Variants in ZNF845 observed in about 807,000 individuals in gnomAD.
ZNF845 encodes zinc finger protein 845.
ZNF845 carries 59 observed loss-of-function variants against 76.1 expected under a neutral mutation model. The ratio of observed to expected loss-of-function variants is 0.78; its 90% CI spans 0.63 to 0.96. ZNF845 has a LOEUF of 0.96. Among genes scored for constraint, ZNF845 ranks in the 40% least tolerant of loss-of-function variants. The pLI is 0.00. For missense variants in ZNF845, 1,045 were observed against 1,172.8 expected (o/e 0.89, Z 1.59); for synonymous variants, 361 against 386.9 (o/e 0.93, Z 0.78).
At chr19:53,336,904 T>A (rs1321907273) in intron 1 of ZNF845, among the ~76,000 whole-genome samples, 2 of 152,246 alleles carry the variant, frequency 1.3e-5, no homozygotes, top group African/African-American at 2.4e-5. Context: ...ACCTTTAACA[T>A]CAAAATGTAG....
intron 3 of ZNF845, chr19:53,346,408 C>G (rs1242563780): frequency 2.4e-6 from 1 of 422,138 alleles, no homozygotes; most frequent in Non-Finnish European, 4.7e-6. Context: ...TCTCGTGCCC[C>G]AGTGGCTCAT....
At chr19:53,347,322 G>A (rs1234061220) in intron 3 of ZNF845, among the ~76,000 whole-genome samples, 2 of 150,294 alleles carry the variant, frequency 1.3e-5, no homozygotes, top group Admixed American at 6.6e-5. Flanking sequence ...TGTTGCCCAG[G>A]CTGGAGTGCA....
At position 53,341,272 on chromosome 19, in the gene ZNF845, A is replaced by T. The variant is rs1237668865; in HGVS notation, c.-36A>T. The T allele has an allele frequency of 5.0e-6, 8 of 1,613,568 alleles. No individual in the cohort carries two copies. The highest frequency in any genetic ancestry group is 6.8e-6 in the Non-Finnish European group (8 of 1,179,704). On this transcript the variant is annotated 5_prime_UTR_variant, in exon 2 of 4. Coordinates refer to ENST00000458035, the MANE Select transcript of ZNF845 (RefSeq NM_138374.3). ...AAGACTCTTGGTACGTGAGGAAGAAACCCGGAAGAGGAAGAGGAAAGCAAA... is the reference window on the plus strand; with the variant it reads ...AAGACTCTTGGTACGTGAGGAAGAATCCCGGAAGAGGAAGAGGAAAGCAAA...
intron 1 of ZNF845, among the ~76,000 whole-genome samples, chr19:53,340,506 G>A (rs914471130): frequency 6.6e-6 from 1 of 152,134 alleles, no homozygotes; most frequent in East Asian, 1.9e-4. Context: ...GTGACTTCCC[G>A]AACTTCCGTA....
rs150218405 is a variant in ZNF845, at chr19:53,348,007, C to T, written c.142+2375C>T. ...GAGTTTGAGGCCACCCTGGCCAACGCGGTGAAATCCCGTCTCCACTAAAAA... is the reference window on the plus strand; with the variant it reads ...GAGTTTGAGGCCACCCTGGCCAACGTGGTGAAATCCCGTCTCCACTAAAAA... On this transcript the variant is annotated intron_variant, in intron 3 of 3. Transcript: ENST00000458035. Among the ~76,000 whole-genome samples the T allele has an allele frequency of 8.5e-3, 1,290 of 152,272 alleles. 18 individuals carry two copies. The highest frequency in any genetic ancestry group is 0.029 in the African/African-American group (1,209 of 41,558).
chr19:53,345,625 C>T lies in ZNF845; in HGVS notation c.135C>T (p.Val45=), dbSNP rs756296206. 6.2e-7 allele frequency: 1 copy of T among 1,613,658 alleles called. No individual in the cohort carries two copies. Among genetic ancestry groups the T allele is most frequent in the Non-Finnish European group, 8.5e-7 (1 of 1,179,780 alleles). Residue 45 remains valine, a synonymous_variant, in exon 3 of 4, where the codon GTC becomes GTT. Coordinates refer to ENST00000458035, the MANE Select transcript of ZNF845 (RefSeq NM_138374.3). The part of the protein sequence containing the change: ...DVMLENYRNL[V]SLDISSKCMM... ...TGCTGGAGAATTATAGGAACCTGGT[C>T]TCCCTGGGTGAGGATAACTTCCCTC... is the stretch of plus-strand genomic sequence containing the variant.
At position 53,334,725 on chromosome 19, in the gene ZNF845, A is replaced by ACC. The variant is rs59524169; in HGVS notation, c.-74+943_-74+944dup. ...AGACCGGCCTGGGCAAAATAGTGAG[A>ACC]CCCCCCCCCCCATCTCTGTCAAAAA... is the stretch of plus-strand genomic sequence containing the variant. On this transcript the variant is annotated intron_variant, in intron 1 of 3. Coordinates refer to ENST00000458035, the MANE Select transcript of ZNF845 (RefSeq NM_138374.3). Among the ~76,000 whole-genome samples, 433 of 137,596 alleles carry ACC rather than the reference A, an allele frequency of 3.1e-3. 3 individuals carry two copies. The highest frequency in any genetic ancestry group is 5.9e-3 in the African/African-American group (225 of 37,962). The allele number at this position is 137,596 out of a possible 152,430, so 90.3% of individuals were successfully genotyped here.
chr19:53,336,612 TCTTCCTTC>T, intron 1 of ZNF845, among the ~76,000 whole-genome samples: 4 of 148,836 alleles, frequency 2.7e-5, no homozygotes, highest in Admixed American at 6.8e-5. Flanking sequence ...TTCTGGTTCC[TCTTCCTTC>T]CTTTCTTTCT....
At position 53,351,874 on chromosome 19, in the gene ZNF845, G is replaced by A. The variant is rs2085339935; in HGVS notation, c.1199G>A (p.Arg400His). 4.3e-6 allele frequency: 7 copies of A among 1,611,588 alleles called. No individual in the cohort carries two copies. The highest frequency in any genetic ancestry group is 1.7e-5 in the Admixed American group (1 of 59,738). Residue 400 changes from arginine (R) to histidine (H), a missense_variant, in exon 4 of 4, where the codon CGC becomes CAC. Physicochemically the swap from Arg to His is conservative, Grantham distance 29. Coordinates refer to ENST00000458035, the MANE Select transcript of ZNF845 (RefSeq NM_138374.3). The part of the protein sequence containing the change: ...RTFSRKSSLT[R>H]HRRLHTGEKP... ...TTTAGTCGGAAGTCATCCCTTACAC[G>A]CCATCGTAGACTTCATACTGGAGAG... is the stretch of plus-strand genomic sequence containing the variant.
In ZNF845 at chr19:53,350,808, T is replaced by C. The variant is rs1277670064; in HGVS notation, c.143-10T>C. 2.5e-6 allele frequency: 4 copies of C among 1,611,722 alleles called. No homozygotes were observed. In the Admixed American group the frequency reaches 6.7e-5, roughly 27 times the overall value. On this transcript the variant is annotated splice_polypyrimidine_tract_variant and intron_variant, in intron 3 of 3. Coordinates refer to ENST00000458035, the MANE Select transcript of ZNF845 (RefSeq NM_138374.3). ...TTAAGTGGAAACCTATTGGTGTTTATATTTTCTAGATATCTCTTCCAAATG... is the reference window on the plus strand; with the variant it reads ...TTAAGTGGAAACCTATTGGTGTTTACATTTTCTAGATATCTCTTCCAAATG...
At chr19:53,347,529 G>A (rs1281124500) in intron 3 of ZNF845, among the ~76,000 whole-genome samples, 1 of 151,370 alleles carries the variant, frequency 6.6e-6, no homozygotes. Context: ...TCCTGATCTT[G>A]TGATCCTCCT....
chr19:53,352,548 C>A lies in ZNF845; in HGVS notation c.1873C>A (p.His625Asn). ...FFRHRSYLAV[H>N]WRTHSGEKPY... Reference sequence around the variant, plus strand: ...CAGACATCGTTCATACCTTGCAGTTCATTGGCGAACTCATAGTGGAGAGAA... The same window carrying A: ...CAGACATCGTTCATACCTTGCAGTTAATTGGCGAACTCATAGTGGAGAGAA... The change falls in exon 4 of 4, where the codon CAT becomes AAT. Residue 625 changes from histidine (H) to asparagine (N), a missense_variant. Transcript: ENST00000458035. 6.2e-7 allele frequency: 1 copy of A among 1,607,810 alleles called. No homozygotes were observed. The highest frequency in any genetic ancestry group is 1.7e-4 in the Middle Eastern group (1 of 6,050).
rs1286746102 is a variant in ZNF845 at position 53,355,947 on chromosome 19, T to C, written c.*2359T>C. On this transcript the variant is annotated 3_prime_UTR_variant, in exon 4 of 4. Transcript: ENST00000458035. ...AGTGTGTATCCCATTGATTTGAGTA[T>C]GTTGAACCATCCTTGCATCCCATGA... 3.9e-5 allele frequency: 6 copies of C among 152,208 alleles called. No homozygotes were observed. The highest frequency in any genetic ancestry group is 5.9e-5 in the Non-Finnish European group (4 of 68,034). The allele number at this position is 152,208 out of a possible 1,614,324, so 9.4% of individuals were successfully genotyped here. A position where few individuals can be genotyped will look rare whatever the true frequency, so the allele number is the denominator to read the frequency against.
In ZNF845 at chr19:53,355,016, T is replaced by A. The variant is rs376904919; in HGVS notation, c.*1428T>A. The A allele has an allele frequency of 8.6e-5, 13 of 151,790 alleles. No individual in the cohort carries two copies. The East Asian group carries it at 2.5e-3, about 29-fold the overall frequency. The allele number at this position is 151,790 out of a possible 1,614,324, so 9.4% of individuals were successfully genotyped here. A position where few individuals can be genotyped will look rare whatever the true frequency, so the allele number is the denominator to read the frequency against. ...CTCACTGCAGCCTCTGCCTTTCGGG[T>A]TTAAGTGATTCTCCTGCCTACTAAC... On this transcript the variant is annotated 3_prime_UTR_variant, in exon 4 of 4. Transcript: ENST00000458035.
intron 1 of ZNF845, among the ~76,000 whole-genome samples, chr19:53,334,242 G>A (rs1432408139): frequency 6.6e-6 from 1 of 152,258 alleles, no homozygotes. Context: ...GGAGGTGCCC[G>A]GGGCTGTCCT....
At chr19:53,350,701 C>G in intron 3 of ZNF845, 117 bp from the exon 4 acceptor site, 11 of 1,361,992 alleles carry the variant, frequency 8.1e-6, no homozygotes, top group Non-Finnish European at 1.1e-5. Flanking sequence ...CCTAAACTTT[C>G]AAGATAATGT....
intron 2 of ZNF845, among the ~76,000 whole-genome samples, chr19:53,344,604 A>ATTTTAT (rs371551119): frequency 4.7e-5 from 6 of 126,940 alleles, no homozygotes; most frequent in South Asian, 2.7e-4. Flanking sequence ...ATTTTATTTT[A>ATTTTAT]TTTATTTTAT....
chr19:53,354,543 G>T lies in ZNF845; in HGVS notation c.*955G>T. 1 of 159,052 alleles carries T rather than the reference G, an allele frequency of 6.3e-6. No individual in the cohort carries two copies. The allele number at this position is 159,052 out of a possible 1,614,324, so 9.9% of individuals were successfully genotyped here. On this transcript the variant is annotated 3_prime_UTR_variant, in exon 4 of 4. Coordinates refer to ENST00000458035, the MANE Select transcript of ZNF845 (RefSeq NM_138374.3). ...TGTTTCTTTAATAAAAACTGTTACG[G>T]GTTTTTATGGGTATCTGTTGAATCT...
chr19:53,350,144 T>C (rs1228482284), intron 3 of ZNF845, among the ~76,000 whole-genome samples: 1 of 130,356 alleles, frequency 7.7e-6, no homozygotes, highest in Non-Finnish European at 1.6e-5. Context: ...ATTAACTTTT[T>C]AATTTTTTTT....
Sources: gnomAD v4.1 joint callset for allele counts (sites outside exome capture counted in the v4.1 genomes callset) on GRCh38, gnomAD v4.1.1 for gene constraint, MANE v1.5 for transcripts, NCBI Gene and HGNC (gene_info 2026-07-23, HGNC 2026-07-21) for gene names.